Variants in HSPA4 observed in about 807,000 individuals in gnomAD.
HSPA4 encodes heat shock protein family A (Hsp70) member 4.
A neutral mutation model predicts 106.2 loss-of-function variants in HSPA4; 25 were observed. The ratio of observed to expected loss-of-function variants is 0.24; its 90% CI spans 0.17 to 0.33. The LOEUF (loss-of-function observed/expected upper bound fraction) is 0.33. Ranked by LOEUF, HSPA4 falls within the 10% of genes least tolerant of loss-of-function variation. The probability of loss-of-function intolerance (pLI) is 1.00; values close to 1 mark genes in which losing one functional copy is unlikely to be tolerated. For missense variants in HSPA4, 841 were observed against 996.0 expected, an observed-to-expected ratio of 0.84 and a Z score of 2.10; for synonymous variants, 332 against 333.6, an observed-to-expected ratio of 1.00 and a Z score of 0.05.
Position 133,073,176 on chromosome 5 carries a change from A to G in HSPA4, c.430-54A>G. 3 of 1,103,538 alleles carry G rather than the reference A, an allele frequency of 2.7e-6. No homozygotes were observed. In the South Asian group the frequency reaches 4.2e-5, roughly 15 times the overall value. The allele number at this position is 1,103,538 out of a possible 1,614,324, so 68.4% of individuals were successfully genotyped here. Reference sequence around the variant, plus strand: ...GTATTTGATGGTGTTCCTGGATTTTACTAACTAAAATTAGAATCTATAATA... The same window carrying G: ...GTATTTGATGGTGTTCCTGGATTTTGCTAACTAAAATTAGAATCTATAATA... On this transcript the variant is annotated intron_variant, in intron 4 of 18. Coordinates refer to ENST00000304858, the MANE Select transcript of HSPA4 (RefSeq NM_002154.4).
intron 16 of HSPA4, among the ~76,000 whole-genome samples, chr5:133,100,174 A>T (rs541688356): frequency 9.7e-4 from 139 of 143,412 alleles, no homozygotes; most frequent in South Asian, 2.9e-3. Flanking sequence ...GGGGATTCTC[A>T]TGCTTCAGCC....
chr5:133,061,110 C>T (rs181950276), intron 1 of HSPA4, among the ~76,000 whole-genome samples: 230 of 150,670 alleles, frequency 1.5e-3, no homozygotes, highest in African/African-American at 5.3e-3. Flanking sequence ...GCAGTGCATA[C>T]ATGTGTTTTC....
chr5:133,052,747 A>C (rs974375042), intron 1 of HSPA4: 2 of 177,324 alleles, frequency 1.1e-5, no homozygotes, highest in Admixed American at 1.2e-4. Flanking sequence ...GAAAGCTCAG[A>C]ACTTTGCACA....
rs151264214 is a variant in HSPA4 at position 133,103,470 on chromosome 5, G to A, written c.2158-395G>A. 6.7e-4 allele frequency among the ~76,000 whole-genome samples: 102 copies of A among 152,102 alleles called. No homozygotes were observed. The South Asian group carries it at 8.7e-3, about 13-fold the overall frequency. Reference sequence around the variant, plus strand: ...TGCAAGCTCCGCCTCCTGGGTTCACGTCAAAGGCCTTCTTTTAAAAATAGT... The same window carrying A: ...TGCAAGCTCCGCCTCCTGGGTTCACATCAAAGGCCTTCTTTTAAAAATAGT... On this transcript the variant is annotated intron_variant, in intron 17 of 18. Coordinates refer to ENST00000304858, the MANE Select transcript of HSPA4 (RefSeq NM_002154.4).
At position 133,096,174 on chromosome 5, in the gene HSPA4, C is replaced by T. The variant is rs1434942013; in HGVS notation, c.1727C>T (p.Thr576Ile). 1 of 1,613,920 alleles carries T rather than the reference C, an allele frequency of 6.2e-7. No individual in the cohort carries two copies. Among genetic ancestry groups the T allele is most frequent in the Admixed American group, 1.7e-5 (1 of 60,028 alleles). The change falls in exon 14 of 19, where the codon ACT becomes ATT. Residue 576 changes from threonine to isoleucine, a missense_variant. By Grantham distance (89) the Thr-to-Ile change is moderately conservative. Around this residue, in one of 5 missense-constraint regions of HSPA4, gnomAD observed 328 missense variants for 372.2 expected, o/e 0.88. Transcript: ENST00000304858. The stretch of plus-strand genomic sequence containing the variant: ...AAGAAGGCAAAAGTGAAGACCAGTA[C>T]TGTGGACCTGCCAATCGAGAATCAG... The part of the protein sequence containing the change: ...QAKKAKVKTS[T>I]VDLPIENQLL...
rs367759655 is a variant in HSPA4, at chr5:133,103,854, C to G, written c.2158-11C>G. The G allele has an allele frequency of 2.8e-5, 45 of 1,609,902 alleles. No homozygotes were observed. The highest frequency in any genetic ancestry group is 3.6e-5 in the Non-Finnish European group (42 of 1,178,176). ...ACTTTTAGCACTTGTTTGACTGTCT[C>G]CTGGTTGCAGGAGGACCAGTATGAT... is the stretch of plus-strand genomic sequence containing the variant. On this transcript the variant is annotated splice_polypyrimidine_tract_variant and intron_variant, in intron 17 of 18. Transcript: ENST00000304858.
chr5:133,104,494 G>C lies in HSPA4; in HGVS notation c.*58G>C. On this transcript the variant is annotated 3_prime_UTR_variant, in exon 19 of 19. Coordinates refer to ENST00000304858, the MANE Select transcript of HSPA4 (RefSeq NM_002154.4). ...TATAAAGCTTTAAGTTGTCAACTTTGTTCTAAATATCAACTAGCGCAAGTG... is the reference window on the plus strand; with the variant it reads ...TATAAAGCTTTAAGTTGTCAACTTTCTTCTAAATATCAACTAGCGCAAGTG... The C allele has an allele frequency of 1.4e-6, 2 of 1,480,856 alleles. No homozygotes were observed. The highest frequency in any genetic ancestry group is 2.4e-5 in the South Asian group (2 of 84,712). The allele number at this position is 1,480,856 out of a possible 1,614,324, so 91.7% of individuals were successfully genotyped here. A position where few individuals can be genotyped will look rare whatever the true frequency, so the allele number is the denominator to read the frequency against.
intron 1 of HSPA4, among the ~76,000 whole-genome samples, chr5:133,058,847 G>C (rs1315337516): frequency 6.6e-6 from 1 of 152,000 alleles, no homozygotes; most frequent in African/African-American, 2.4e-5. Context: ...ACAAAAATTG[G>C]CCGGGTGTGG....
At position 133,106,091 on chromosome 5, in the gene HSPA4, A is replaced by C. The variant is rs1183353583; in HGVS notation, c.*1655A>C. 1 of 101,368 alleles carries C rather than the reference A, an allele frequency of 9.9e-6. No homozygotes were observed. Among genetic ancestry groups the C allele is most frequent in the Non-Finnish European group, 2.0e-5 (1 of 50,292 alleles). 6.3% of individuals were successfully genotyped at this position (101,368 alleles called of 1,614,324 possible). A position where few individuals can be genotyped will look rare whatever the true frequency, so the allele number is the denominator to read the frequency against. On this transcript the variant is annotated 3_prime_UTR_variant, in exon 19 of 19. Transcript: ENST00000304858. ...AGACCGTAATGGCCATTTCTTCTTA[A>C]AAAAAAAAAAATTTTTTTTTTTTTT...
In HSPA4 at chr5:133,091,296, T is replaced by C. The variant is rs1362931263; in HGVS notation, c.1482T>C (p.Ser494=). Residue 494 remains serine (S), a synonymous_variant, in exon 12 of 19, where the codon AGT becomes AGC. Coordinates refer to ENST00000304858, the MANE Select transcript of HSPA4 (RefSeq NM_002154.4). ...VNVHGIFSVS[S]ASLVEVHKSE... ...TCCATGGCATTTTCAGTGTGTCCAG[T>C]GCATCTTTAGTGGAGGTTCACAAGT... is the stretch of plus-strand genomic sequence containing the variant. 1.9e-6 allele frequency: 3 copies of C among 1,614,040 alleles called. No individual in the cohort carries two copies.
intron 8 of HSPA4, among the ~76,000 whole-genome samples, chr5:133,087,886 A>G (rs1765598575): frequency 6.6e-6 from 1 of 152,196 alleles, no homozygotes; most frequent in African/African-American, 2.4e-5. Flanking sequence ...GGCCTCCTAA[A>G]GTACTGGGAT....
intron 1 of HSPA4, among the ~76,000 whole-genome samples, chr5:133,061,635 C>T (rs1765244586): frequency 6.6e-6 from 1 of 151,766 alleles, no homozygotes; most frequent in Non-Finnish European, 1.5e-5. Context: ...CCCTCCCCAC[C>T]ACCCGACTGA....
intron 7 of HSPA4, among the ~76,000 whole-genome samples, chr5:133,079,460 A>G (rs1765488227): frequency 6.6e-6 from 1 of 152,182 alleles, no homozygotes; most frequent in South Asian, 2.1e-4. Context: ...CACATTCTGT[A>G]TCAGTACTTA....
intron 2 of HSPA4, among the ~76,000 whole-genome samples, chr5:133,065,571 G>A (rs145557987): frequency 6.8e-4 from 103 of 152,314 alleles, no homozygotes; most frequent in African/African-American, 2.1e-3. Flanking sequence ...AATGCAAACT[G>A]CCAGGGTGTA....
intron 14 of HSPA4, among the ~76,000 whole-genome samples, 199 bp downstream of exon 14, chr5:133,096,449 A>T (rs1334173010): frequency 2.6e-5 from 4 of 152,176 alleles, no homozygotes; most frequent in Non-Finnish European, 5.9e-5. Context: ...TGGTACTAAG[A>T]TGTCTGTATT....
Position 133,088,513 on chromosome 5 carries a change from A to G in HSPA4, c.1095A>G (p.Thr365=), listed in dbSNP as rs774643047. The part of the protein sequence containing the change: ...SKFFGKELST[T]LNADEAVTRG... ...TTTTCGGTAAAGAACTTAGTACAAC[A>G]TTAAATGCTGATGAAGCTGTCACTC... Residue 365 remains threonine, a synonymous_variant, in exon 9 of 19, where the codon ACA becomes ACG. Coordinates refer to ENST00000304858, the MANE Select transcript of HSPA4 (RefSeq NM_002154.4). The G allele has an allele frequency of 4.3e-6, 7 of 1,614,082 alleles. No individual in the cohort carries two copies. Among genetic ancestry groups the G allele is most frequent in the Non-Finnish European group, 5.9e-6 (7 of 1,179,916 alleles).
At chr5:133,079,839 G>T (rs1765491820) in intron 7 of HSPA4, among the ~76,000 whole-genome samples, 1 of 152,184 alleles carries the variant, frequency 6.6e-6, no homozygotes, top group African/African-American at 2.4e-5. Flanking sequence ...TTTGATGGTT[G>T]GAAGTGCATT....
intron 15 of HSPA4, among the ~76,000 whole-genome samples, chr5:133,098,924 C>G (rs897540420): frequency 6.6e-6 from 1 of 152,100 alleles, no homozygotes; most frequent in Non-Finnish European, 1.5e-5. Context: ...CCGCCTCAGC[C>G]TCCCAAAGTG....
chr5:133,074,300 TAG>T (rs1765421499), intron 6 of HSPA4, among the ~76,000 whole-genome samples, 174 bp downstream of exon 6: 1 of 150,806 alleles, frequency 6.6e-6, no homozygotes, highest in African/African-American at 2.4e-5. Context: ...TTTTTTGAGA[TAG>T]AGTTTCGCTC....
Sources: allele counts gnomAD v4.1 joint callset (sites outside exome capture counted in the v4.1 genomes callset), GRCh38; gene constraint gnomAD v4.1.1; regional missense constraint gnomAD v4.1.1; transcripts MANE v1.5; gene names NCBI Gene and HGNC (gene_info 2026-07-23, HGNC 2026-07-21).